Variants in XRCC6 observed in about 807,000 individuals in gnomAD.
The protein encoded by XRCC6 is X-ray repair cross complementing 6.
XRCC6 carries 5 observed loss-of-function variants against 65.7 expected under a neutral mutation model. The observed-to-expected ratio is 0.08, with a 90% confidence interval of 0.04 to 0.16. The LOEUF (loss-of-function observed/expected upper bound fraction) is 0.16, where lower values mean the gene tolerates loss of function less well. Ranked by LOEUF, XRCC6 falls within the 10% of genes least tolerant of loss-of-function variation. XRCC6 has a pLI of 1.00. For missense variants in XRCC6, 447 were observed against 738.1 expected, an observed-to-expected ratio of 0.61 and a Z score of 4.57; for synonymous variants, 270 against 270.6, an observed-to-expected ratio of 1.00 and a Z score of 0.02.
chr22:41,661,464 C>T lies in XRCC6; in HGVS notation c.1636+20C>T. On this transcript the variant is annotated intron_variant, in intron 12 of 12. Coordinates refer to ENST00000360079, the MANE Select transcript of XRCC6 (RefSeq NM_001469.5). ...AACACGGTGAGAAGCTGAATGTGGA[C>T]ATGTGGGCTATTTTTAAAAATTGCT... is the stretch of plus-strand genomic sequence containing the variant. 1 of 1,600,502 alleles carries T rather than the reference C, an allele frequency of 6.2e-7. No homozygotes were observed. The highest frequency in any genetic ancestry group is 8.5e-7 in the Non-Finnish European group (1 of 1,170,954).
At chr22:41,638,394 A>G (rs2067834237) in intron 6 of XRCC6, among the ~76,000 whole-genome samples, 1 of 152,214 alleles carries the variant, frequency 6.6e-6, no homozygotes, top group South Asian at 2.1e-4. Context: ...CTCTTAGGCT[A>G]CAAACCTGTA....
chr22:41,623,294 C>T (rs2067631281), intron 2 of XRCC6, among the ~76,000 whole-genome samples: 1 of 152,106 alleles, frequency 6.6e-6, no homozygotes, highest in Admixed American at 6.6e-5. Flanking sequence ...TCAGGCTGGT[C>T]TCAAACTCTT....
chr22:41,635,701 T>C (rs1438362634), intron 3 of XRCC6, among the ~76,000 whole-genome samples: 1 of 71,434 alleles, frequency 1.4e-5, no homozygotes, highest in Non-Finnish European at 4.4e-5. Flanking sequence ...GCCCAGCTAA[T>C]TTTTTTGTTT....
At chr22:41,642,328 T>C (rs2147093464) in intron 6 of XRCC6, among the ~76,000 whole-genome samples, 1 of 152,340 alleles carries the variant, frequency 6.6e-6, no homozygotes, top group Middle Eastern at 3.4e-3. Flanking sequence ...TAGAGTTTTT[T>C]CCTGTAGAGT....
intron 12 of XRCC6, 44 bp from the exon 13 acceptor site, chr22:41,663,578 G>T: frequency 1.9e-6 from 3 of 1,575,296 alleles, no homozygotes; most frequent in Non-Finnish European, 2.6e-6. Context: ...GATGCCACTT[G>T]TATGTAGCAT....
At chr22:41,661,890 A>G (rs758228411) in intron 12 of XRCC6, among the ~76,000 whole-genome samples, 5 of 152,252 alleles carry the variant, frequency 3.3e-5, no homozygotes, top group South Asian at 2.1e-4. Flanking sequence ...CACGTACACA[A>G]TGGAGTACTA....
intron 4 of XRCC6, 92 bp downstream of exon 4, chr22:41,636,343 T>A: frequency 6.6e-7 from 1 of 1,506,428 alleles, no homozygotes; most frequent in Non-Finnish European, 8.9e-7. Context: ...GCAAGTTACA[T>A]CTTGTCTAGG....
At chr22:41,657,490 TTTATTA>T (rs138171458) in intron 10 of XRCC6, among the ~76,000 whole-genome samples, 14,062 of 138,046 alleles carry the variant, frequency 0.1, 849 homozygotes, top group African/African-American at 0.15. Context: ...TTTTTAAAAA[TTTATTA>T]TTATTATTAT....
At chr22:41,661,566 C>A in intron 12 of XRCC6, 122 bp downstream of exon 12, 1 of 809,484 alleles carries the variant, frequency 1.2e-6, no homozygotes, top group Non-Finnish European at 1.9e-6. Context: ...TGGCTTTTAT[C>A]CAAAAAACAG....
intron 3 of XRCC6, among the ~76,000 whole-genome samples, chr22:41,629,673 TTTA>T (rs945543204): frequency 6.6e-6 from 1 of 151,088 alleles, no homozygotes; most frequent in Admixed American, 6.6e-5. Context: ...TTTATTTATT[TTTA>T]TTATTATTTT....
intron 2 of XRCC6, among the ~76,000 whole-genome samples, chr22:41,627,576 A>T (rs1178478531): frequency 1.5e-5 from 2 of 133,832 alleles, no homozygotes; most frequent in African/African-American, 5.8e-5. Flanking sequence ...GTGCCACTGT[A>T]CTCCACCCTG....
In XRCC6 at chr22:41,653,547, G is replaced by T; in HGVS notation, c.1148G>T (p.Ser383Ile). The T allele has an allele frequency of 6.2e-7, 1 of 1,612,638 alleles. No homozygotes were observed. The highest frequency in any genetic ancestry group is 8.5e-7 in the Non-Finnish European group (1 of 1,179,010). The change falls in exon 9 of 13, where the codon AGT (serine) becomes ATT (isoleucine). Residue 383 changes from serine to isoleucine, a missense_variant. Around this residue, in one of 4 missense-constraint regions of XRCC6, gnomAD observed 201 missense variants for 374.1 expected, o/e 0.54. Coordinates refer to ENST00000360079, the MANE Select transcript of XRCC6 (RefSeq NM_001469.5). ...TTTCTAGGGAGCTCAACCCTGTTCAGTGCTCTGCTCATCAAGTGTCTGGAG... is the reference window on the plus strand; with the variant it reads ...TTTCTAGGGAGCTCAACCCTGTTCATTGCTCTGCTCATCAAGTGTCTGGAG... ...SLVIGSSTLF[S>I]ALLIKCLEKE...
intron 5 of XRCC6, among the ~76,000 whole-genome samples, chr22:41,637,389 G>T (rs1482075963): frequency 6.6e-6 from 1 of 152,116 alleles, no homozygotes; most frequent in African/African-American, 2.4e-5. Flanking sequence ...CTGGCCAGTT[G>T]TCTTGACTTT....
intron 2 of XRCC6, among the ~76,000 whole-genome samples, chr22:41,625,234 G>T (rs1160091683): frequency 6.6e-6 from 1 of 152,244 alleles, no homozygotes; most frequent in Non-Finnish European, 1.5e-5. Context: ...AACACGGGAG[G>T]TGGAGGTTGC....
At chr22:41,635,761 C>G (rs536185293) in intron 3 of XRCC6, among the ~76,000 whole-genome samples, 1 of 151,682 alleles carries the variant, frequency 6.6e-6, no homozygotes, top group Non-Finnish European at 1.5e-5. Flanking sequence ...AGGCTGGTCT[C>G]GATCTCCTAG....
chr22:41,649,772 G>A (rs1459272705), intron 7 of XRCC6, among the ~76,000 whole-genome samples: 4 of 151,728 alleles, frequency 2.6e-5, no homozygotes, highest in Non-Finnish European at 5.9e-5. Flanking sequence ...GGAGAATGGC[G>A]TGAACCCCGG....
chr22:41,621,705 C>T (rs1382184966), intron 1 of XRCC6: 9 of 418,548 alleles, frequency 2.2e-5, no homozygotes, highest in Middle Eastern at 6.8e-4. Context: ...GAGCGGGAAT[C>T]CCTCACCGTC....
At chr22:41,653,740 G>A (rs751575293) in intron 9 of XRCC6, 50 bp downstream of exon 9, 21 of 1,592,068 alleles carry the variant, frequency 1.3e-5, no homozygotes, top group African/African-American at 2.7e-5. Flanking sequence ...CCATACTTTG[G>A]AATCATCCAT....
intron 6 of XRCC6, among the ~76,000 whole-genome samples, chr22:41,638,165 A>G (rs909791372): frequency 1.3e-5 from 2 of 152,126 alleles, no homozygotes; most frequent in Admixed American, 1.3e-4. Context: ...ATATTTCTCT[A>G]AAGTAACACA....
Sources: gnomAD v4.1 joint callset for allele counts (sites outside exome capture counted in the v4.1 genomes callset) on GRCh38, gnomAD v4.1.1 for gene constraint, gnomAD v4.1.1 regional missense constraint, MANE v1.5 for transcripts, NCBI Gene and HGNC (gene_info 2026-07-23, HGNC 2026-07-21) for gene names.